IFIT5: variants seen among roughly 807,000 people sequenced by gnomAD.
IFIT5 encodes interferon induced protein with tetratricopeptide repeats 5, also known as interferon-induced protein with tetratricopeptide repeats 5.
A neutral mutation model predicts 5.0 loss-of-function variants in IFIT5; 2 were observed. That is an observed-to-expected ratio of 0.40 (90% CI 0.16 to 1.26). IFIT5 has a LOEUF of 1.26. IFIT5 is among the 50% of genes most tolerant of loss of function. The pLI is 0.33. For synonymous variants in IFIT5, 206 were observed against 204.6 expected (o/e 1.01, Z -0.06); for missense variants, 524 against 563.2 (o/e 0.93, Z 0.70).
rs1375786948 is a variant in IFIT5, at chr10:89,417,277, G to A, written c.78G>A (p.Lys26=). ...GTCATTTTACATGGAATTTACTTAA[G>A]GAAGACATTGATCTGTTTGAGGTAG... The part of the protein sequence containing the change: ...LECHFTWNLL[K]EDIDLFEVED... Residue 26 remains lysine, a synonymous_variant, in exon 2 of 2, where the codon AAG becomes AAA. Transcript: ENST00000371795. 1 of 1,613,876 alleles carries A rather than the reference G, an allele frequency of 6.2e-7. No individual in the cohort carries two copies. The highest frequency in any genetic ancestry group is 8.5e-7 in the Non-Finnish European group (1 of 1,179,924).
At chr10:89,415,422 A>C (rs536049018) in intron 1 of IFIT5, among the ~76,000 whole-genome samples, 1 of 152,350 alleles carries the variant, frequency 6.6e-6, no homozygotes, top group East Asian at 1.9e-4. Flanking sequence ...TGCCACTGCC[A>C]GTTTGCGTTT....
In IFIT5 at chr10:89,418,831, T is replaced by C. The variant is rs887831990; in HGVS notation, c.*183T>C. ...TATGATGAATCTTGTGCGGTTTTCT[T>C]TCTTTTTTTCTTTTTAATTAAAATA... On this transcript the variant is annotated 3_prime_UTR_variant, in exon 2 of 2. Transcript: ENST00000371795. The C allele has an allele frequency of 5.9e-6, 3 of 509,098 alleles. No individual in the cohort carries two copies. Among genetic ancestry groups the C allele is most frequent in the African/African-American group, 5.9e-5 (3 of 51,098 alleles). 31.5% of individuals were successfully genotyped at this position (509,098 alleles called of 1,614,324 possible). A position where few individuals can be genotyped will look rare whatever the true frequency, so the allele number is the denominator to read the frequency against.
chr10:89,416,426 C>CA (rs1462521803), intron 1 of IFIT5, among the ~76,000 whole-genome samples: 2 of 152,240 alleles, frequency 1.3e-5, no homozygotes, highest in Non-Finnish European at 2.9e-5. Flanking sequence ...AGCAGAAGAA[C>CA]AGAATTACCG....
chr10:89,418,752 A>G lies in IFIT5; in HGVS notation c.*104A>G. ...ATCCCTTGTTTATTATAGAGCTAAT[A>G]TTTATTGAATAGTTATTGTGTACCA... On this transcript the variant is annotated 3_prime_UTR_variant, in exon 2 of 2. Transcript: ENST00000371795. The G allele has an allele frequency of 1.8e-6, 2 of 1,124,778 alleles. No homozygotes were observed. Among genetic ancestry groups the G allele is most frequent in the Non-Finnish European group, 2.5e-6 (2 of 794,492 alleles). The allele number at this position is 1,124,778 out of a possible 1,614,324, so 69.7% of individuals were successfully genotyped here. A position where few individuals can be genotyped will look rare whatever the true frequency, so the allele number is the denominator to read the frequency against.
Position 89,414,679 on chromosome 10 carries a change from G to C in IFIT5, c.-120G>C, listed in dbSNP as rs1841510752. 4.0e-6 allele frequency: 5 copies of C among 1,254,250 alleles called. No homozygotes were observed. Among genetic ancestry groups the C allele is most frequent in the Non-Finnish European group, 5.3e-6 (5 of 935,004 alleles). The allele number at this position is 1,254,250 out of a possible 1,614,324, so 77.7% of individuals were successfully genotyped here. A position where few individuals can be genotyped will look rare whatever the true frequency, so the allele number is the denominator to read the frequency against. On this transcript the variant is annotated 5_prime_UTR_variant, in exon 1 of 2. Coordinates refer to ENST00000371795, the MANE Select transcript of IFIT5 (RefSeq NM_012420.3). ...CGCGGCCGAGTCCAGGGGCTGCAGA[G>C]GCCTGGCGCGCGCACGCGCACGCGC...
Position 89,418,318 on chromosome 10 carries a change from T to C in IFIT5, c.1119T>C (p.Asp373=), listed in dbSNP as rs767000816. The change falls in exon 2 of 2, where the codon GAT becomes GAC. Residue 373 remains aspartate, a synonymous_variant. Transcript: ENST00000371795. ...KALRLENITD[D]HKHQIHYHYG... is the part of the protein sequence containing the mutation. ...TTCGTCTGGAGAACATAACCGATGA[T>C]CACAAACATCAGATCCATTACCACT... 5.6e-6 allele frequency: 9 copies of C among 1,614,032 alleles called. No homozygotes were observed. The highest frequency in any genetic ancestry group is 1.6e-4 in the Middle Eastern group (1 of 6,084).
At position 89,420,171 on chromosome 10, in the gene IFIT5, A is replaced by G. The variant is rs1332254591; in HGVS notation, c.*1523A>G. The G allele has an allele frequency of 2.6e-5, 4 of 152,176 alleles. No homozygotes were observed. The highest frequency in any genetic ancestry group is 7.2e-5 in the African/African-American group (3 of 41,442). 9.4% of individuals were successfully genotyped at this position (152,176 alleles called of 1,614,324 possible). A position where few individuals can be genotyped will look rare whatever the true frequency, so the allele number is the denominator to read the frequency against. The stretch of plus-strand genomic sequence containing the variant: ...TTTTTCTATGCGTAATCAGACATAC[A>G]TATATACTGCAGTGTATCTCACGTA... On this transcript the variant is annotated 3_prime_UTR_variant, in exon 2 of 2. Coordinates refer to ENST00000371795, the MANE Select transcript of IFIT5 (RefSeq NM_012420.3).
In IFIT5 at chr10:89,418,066, G is replaced by A. The variant is rs1259517017; in HGVS notation, c.867G>A (p.Met289Ile). Residue 289 changes from methionine to isoleucine, a missense_variant, in exon 2 of 2, where the codon ATG (methionine) becomes ATA (isoleucine). Coordinates refer to ENST00000371795, the MANE Select transcript of IFIT5 (RefSeq NM_012420.3). Reference protein sequence around the residue: ...TPTSSFLHHQMGLCYRAQMIQ... With the variant: ...TPTSSFLHHQIGLCYRAQMIQ... ...CTTCTTCTTTCCTGCATCACCAGAT[G>A]GGACTTTGCTACAGGGCACAAATGA... 1.2e-6 allele frequency: 2 copies of A among 1,614,062 alleles called. No individual in the cohort carries two copies. The highest frequency in any genetic ancestry group is 1.7e-6 in the Non-Finnish European group (2 of 1,180,024).
In IFIT5 at chr10:89,419,266, T is replaced by C. The variant is rs894663054; in HGVS notation, c.*618T>C. ...TTTCCTCAAATTTTAAATATGTAAC[T>C]TCAGGGATTCAATCCCCAAATGTTT... On this transcript the variant is annotated 3_prime_UTR_variant, in exon 2 of 2. Transcript: ENST00000371795. The C allele has an allele frequency of 2.6e-5, 4 of 152,038 alleles. No homozygotes were observed. Among genetic ancestry groups the C allele is most frequent in the African/African-American group, 9.7e-5 (4 of 41,436 alleles). The allele number at this position is 152,038 out of a possible 1,614,324, so 9.4% of individuals were successfully genotyped here.
Position 89,417,267 on chromosome 10 carries a change from ATTTAC to A in IFIT5, c.71_75del (p.Leu24Ter), listed in dbSNP as rs1487153620. On this transcript the variant is annotated frameshift_variant, in exon 2 of 2. Coordinates refer to ENST00000371795, the MANE Select transcript of IFIT5 (RefSeq NM_012420.3). LOFTEE classifies it low-confidence loss of function (END_TRUNC). ...GAGTTAGAATGTCATTTTACATGGA[ATTTAC>A]TTAAGGAAGACATTGATCTGTTTGA... 1 of 1,613,622 alleles carries A rather than the reference ATTTAC, an allele frequency of 6.2e-7. No individual in the cohort carries two copies. The highest frequency in any genetic ancestry group is 8.5e-7 in the Non-Finnish European group (1 of 1,179,624).
rs1294997878 is a variant in IFIT5, at chr10:89,418,229, C to T, written c.1030C>T (p.Leu344=). 1 of 1,614,192 alleles carries T rather than the reference C, an allele frequency of 6.2e-7. No individual in the cohort carries two copies. The highest frequency in any genetic ancestry group is 1.7e-5 in the Admixed American group (1 of 60,026). ...DSMFAFAYTD[L]ANMYAEGGQY... ...TATGTTTGCATTTGCCTACACAGAC[C>T]TGGCCAACATGTACGCTGAAGGAGG... Residue 344 remains leucine, a synonymous_variant, in exon 2 of 2, where the codon CTG becomes TTG. Transcript: ENST00000371795.
At position 89,418,737 on chromosome 10, in the gene IFIT5, TA is replaced by T; in HGVS notation, c.*90del. 7 of 1,282,842 alleles carry T rather than the reference TA, an allele frequency of 5.5e-6. No homozygotes were observed. In the South Asian group the frequency reaches 9.1e-5, roughly 17 times the overall value. The allele number at this position is 1,282,842 out of a possible 1,614,324, so 79.5% of individuals were successfully genotyped here. On this transcript the variant is annotated 3_prime_UTR_variant, in exon 2 of 2. Transcript: ENST00000371795. Reference sequence around the variant, plus strand: ...TTTTTTATTATTTTAATCCCTTGTTTATTATAGAGCTAATATTTATTGAATA... The same window carrying T: ...TTTTTTATTATTTTAATCCCTTGTTTTTATAGAGCTAATATTTATTGAATA...
rs201301723 is a variant in IFIT5 at position 89,417,690 on chromosome 10, A to G, written c.491A>G (p.Glu164Gly). The change falls in exon 2 of 2, where the codon GAG becomes GGG. Residue 164 changes from glutamate to glycine, a missense_variant. Coordinates refer to ENST00000371795, the MANE Select transcript of IFIT5 (RefSeq NM_012420.3). ...TATCAAAAGGCTAAAGCGGCTTTTG[A>G]GAAGGCTCTGGAAGTGGAGCCTGAC... The part of the protein sequence containing the change: ...KYYQKAKAAF[E>G]KALEVEPDNP... The G allele has an allele frequency of 5.6e-6, 9 of 1,614,244 alleles. No individual in the cohort carries two copies. In the African/African-American group the frequency reaches 1.2e-4, roughly 22 times the overall value.
Position 89,418,490 on chromosome 10 carries a change from A to T in IFIT5, c.1291A>T (p.Asn431Tyr). ...KKLSTKRLCH[N>Y]ALDVQSLSAL... ...ATTGTCTACCAAGAGACTTTGTCAC[A>T]ATGCTTTAGATGTGCAGAGTTTAAG... The change falls in exon 2 of 2, where the codon AAT becomes TAT. Residue 431 changes from asparagine (N) to tyrosine (Y), a missense_variant. Coordinates refer to ENST00000371795, the MANE Select transcript of IFIT5 (RefSeq NM_012420.3). 1 of 1,614,226 alleles carries T rather than the reference A, an allele frequency of 6.2e-7. No homozygotes were observed. Among genetic ancestry groups the T allele is most frequent in the Non-Finnish European group, 8.5e-7 (1 of 1,180,030 alleles).
Position 89,418,246 on chromosome 10 carries a change from T to G in IFIT5, c.1047T>G (p.Ala349=). The G allele has an allele frequency of 6.2e-7, 1 of 1,614,226 alleles. No individual in the cohort carries two copies. Among genetic ancestry groups the G allele is most frequent in the Non-Finnish European group, 8.5e-7 (1 of 1,180,028 alleles). Residue 349 remains alanine (A), a synonymous_variant, in exon 2 of 2, where the codon GCT becomes GCG. Coordinates refer to ENST00000371795, the MANE Select transcript of IFIT5 (RefSeq NM_012420.3). The part of the protein sequence containing the change: ...FAYTDLANMY[A]EGGQYSNAED... ...ACACAGACCTGGCCAACATGTACGC[T>G]GAAGGAGGCCAGTATAGCAATGCTG...
Position 89,414,693 on chromosome 10 carries a change from A to T in IFIT5, c.-106A>T. ...GGGGCTGCAGAGGCCTGGCGCGCGCACGCGCACGCGCACGCCCACCGCGCG... is the reference window on the plus strand; with the variant it reads ...GGGGCTGCAGAGGCCTGGCGCGCGCTCGCGCACGCGCACGCCCACCGCGCG... On this transcript the variant is annotated 5_prime_UTR_variant, in exon 1 of 2. Transcript: ENST00000371795. 1 of 1,371,554 alleles carries T rather than the reference A, an allele frequency of 7.3e-7. No homozygotes were observed. The highest frequency in any genetic ancestry group is 9.7e-7 in the Non-Finnish European group (1 of 1,031,674). 85.0% of individuals were successfully genotyped at this position (1,371,554 alleles called of 1,614,324 possible). A position where few individuals can be genotyped will look rare whatever the true frequency, so the allele number is the denominator to read the frequency against.
Position 89,418,382 on chromosome 10 carries a change from A to G in IFIT5, c.1183A>G (p.Thr395Ala), listed in dbSNP as rs1411298524. ...GGAATTTCACCGTAAATCAGAAAAT[A>G]CTGCCATCCATCATTATTTAGAAGC... ...FQEFHRKSEN[T>A]AIHHYLEALK... Residue 395 changes from threonine (T) to alanine (A), a missense_variant, in exon 2 of 2, where the codon ACT (threonine) becomes GCT (alanine). Coordinates refer to ENST00000371795, the MANE Select transcript of IFIT5 (RefSeq NM_012420.3). The G allele has an allele frequency of 6.2e-7, 1 of 1,614,214 alleles. No individual in the cohort carries two copies. Among genetic ancestry groups the G allele is most frequent in the Non-Finnish European group, 8.5e-7 (1 of 1,180,024 alleles).
chr10:89,419,174 T>C lies in IFIT5; in HGVS notation c.*526T>C, dbSNP rs1841575295. 6.6e-6 allele frequency: 1 copy of C among 152,172 alleles called. No homozygotes were observed. Among genetic ancestry groups the C allele is most frequent in the Non-Finnish European group, 1.5e-5 (1 of 68,002 alleles). The allele number at this position is 152,172 out of a possible 1,614,324, so 9.4% of individuals were successfully genotyped here. A position where few individuals can be genotyped will look rare whatever the true frequency, so the allele number is the denominator to read the frequency against. ...ATATCTTTTTTGTTGGAAAAAAGTT[T>C]ATAATAAAAAAGTTTGTCATCTCTA... On this transcript the variant is annotated 3_prime_UTR_variant, in exon 2 of 2. Transcript: ENST00000371795.
At position 89,418,251 on chromosome 10, in the gene IFIT5, G is replaced by C. The variant is rs747028604; in HGVS notation, c.1052G>C (p.Gly351Ala). 1.2e-6 allele frequency: 2 copies of C among 1,614,100 alleles called. No individual in the cohort carries two copies. Among genetic ancestry groups the C allele is most frequent in the Non-Finnish European group, 1.7e-6 (2 of 1,180,026 alleles). The change falls in exon 2 of 2, where the codon GGA (glycine) becomes GCA (alanine). Residue 351 changes from glycine to alanine, a missense_variant. Coordinates refer to ENST00000371795, the MANE Select transcript of IFIT5 (RefSeq NM_012420.3). ...YTDLANMYAEGGQYSNAEDIF... is the reference protein window; with the variant it reads ...YTDLANMYAEAGQYSNAEDIF... ...GACCTGGCCAACATGTACGCTGAAG[G>C]AGGCCAGTATAGCAATGCTGAGGAC...
Sources: gnomAD v4.1 joint callset for allele counts (sites outside exome capture counted in the v4.1 genomes callset) on GRCh38, gnomAD v4.1.1 for gene constraint, MANE v1.5 for transcripts, NCBI Gene and HGNC (gene_info 2026-07-23, HGNC 2026-07-21) for gene names.